Variants in ADGRA1 observed in about 807,000 individuals in gnomAD.
ADGRA1 encodes adhesion G protein-coupled receptor A1.
Under a neutral mutation model 21.3 loss-of-function variants are expected in ADGRA1, and 12 were observed. The observed-to-expected ratio is 0.56, with a 90% confidence interval of 0.36 to 0.91. The LOEUF is 0.91. ADGRA1 is among the 40% of genes least tolerant of loss of function. The pLI is 0.01. For missense variants in ADGRA1, 790 were observed against 805.6 expected, an observed-to-expected ratio of 0.98 and a Z score of 0.23; for synonymous variants, 385 against 368.8, an observed-to-expected ratio of 1.04 and a Z score of -0.50.
At chr10:133,093,505 G>A (rs1034859945) in intron 2 of ADGRA1, among the ~76,000 whole-genome samples, 1 of 152,206 alleles carries the variant, frequency 6.6e-6, no homozygotes, top group Non-Finnish European at 1.5e-5. Context: ...TGTTGGCTCC[G>A]AGGCCGGCAG....
intron 3 of ADGRA1, among the ~76,000 whole-genome samples, chr10:133,098,356 G>A (rs915942965): frequency 1.3e-4 from 20 of 152,144 alleles, no homozygotes; most frequent in African/African-American, 3.6e-4. Context: ...TCAGGGCCTC[G>A]GTGTCTTCAT....
At chr10:133,091,476 C>T (rs779788756) in intron 2 of ADGRA1, among the ~76,000 whole-genome samples, 2 of 152,228 alleles carry the variant, frequency 1.3e-5, no homozygotes, top group Non-Finnish European at 2.9e-5. Flanking sequence ...GGAGCATGAG[C>T]TCATCGTCCC....
intron 5 of ADGRA1, among the ~76,000 whole-genome samples, chr10:133,109,288 TC>T (rs1292496701): frequency 6.6e-6 from 1 of 151,502 alleles, no homozygotes; most frequent in Non-Finnish European, 1.5e-5. Context: ...CAGCCCCCGC[TC>T]CCTGGACCTC....
rs1475281141 is a variant in ADGRA1 at position 133,097,031 on chromosome 10, G to A, written c.61G>A (p.Val21Met). The A allele has an allele frequency of 1.2e-6, 2 of 1,612,580 alleles. No individual in the cohort carries two copies. The highest frequency in any genetic ancestry group is 1.7e-6 in the Non-Finnish European group (2 of 1,179,902). ...CCCAGGGGAGTTCCTGCACCCCGTG[G>A]TGTACGCGTGCACGGCCGTCATGCT... ...RYPGEFLHPV[V>M]YACTAVMLLC... is the part of the protein sequence containing the mutation. The change falls in exon 3 of 7, where the codon GTG (valine) becomes ATG (methionine). Residue 21 changes from valine to methionine, a missense_variant. By Grantham distance (21) the Val-to-Met change is conservative. Around this residue, in one of 3 missense-constraint regions of ADGRA1, gnomAD observed 382 missense variants for 415.6 expected, o/e 0.92. Transcript: ENST00000392607.
In ADGRA1 at chr10:133,129,131, G is replaced by T; in HGVS notation, c.1303G>T (p.Glu435Ter). The change falls in exon 7 of 7, where the codon GAG becomes TAG. Residue 435 changes from glutamate (E) to a stop codon, truncating the protein, a stop_gained. Transcript: ENST00000392607. LOFTEE classifies it low-confidence loss of function (END_TRUNC). Reference sequence around the variant, plus strand: ...TAGCCGGCACCCAGCAGAGGAGCCCGAGTACGCCTACCACATCCCATCCAG... The same window carrying T: ...TAGCCGGCACCCAGCAGAGGAGCCCTAGTACGCCTACCACATCCCATCCAG... ...YFSRHPAEEP[E>*]YAYHIPSSLD... 6.4e-7 allele frequency: 1 copy of T among 1,553,982 alleles called. No homozygotes were observed. Among genetic ancestry groups the T allele is most frequent in the South Asian group, 1.2e-5 (1 of 84,492 alleles).
intron 5 of ADGRA1, among the ~76,000 whole-genome samples, chr10:133,114,960 C>G (rs1441495481): frequency 6.6e-6 from 1 of 152,240 alleles, no homozygotes; most frequent in Non-Finnish European, 1.5e-5. Flanking sequence ...CACCGTCTTT[C>G]CTGTGAAAAA....
At chr10:133,127,482 G>C in intron 6 of ADGRA1, 151 bp downstream of exon 6, 1 of 628,620 alleles carries the variant, frequency 1.6e-6, no homozygotes, top group Non-Finnish European at 2.8e-6. Context: ...GCCCCTCCCA[G>C]CTCGCACCCC....
intron 5 of ADGRA1, among the ~76,000 whole-genome samples, chr10:133,118,311 G>C (rs1852194064): frequency 6.6e-6 from 1 of 152,196 alleles, no homozygotes; most frequent in African/African-American, 2.4e-5. Flanking sequence ...TAATGCTATT[G>C]CACACTTAGT....
chr10:133,100,146 G>A (rs747041815), intron 4 of ADGRA1, among the ~76,000 whole-genome samples: 1 of 152,242 alleles, frequency 6.6e-6, no homozygotes, highest in African/African-American at 2.4e-5. Flanking sequence ...CTTCATGCCA[G>A]ACTGCCAGGA....
intron 5 of ADGRA1, among the ~76,000 whole-genome samples, chr10:133,112,857 C>G (rs904131259): frequency 8.3e-5 from 10 of 120,626 alleles, no homozygotes; most frequent in Non-Finnish European, 1.7e-4. Context: ...TGGAGGTCTG[C>G]GGGCCACGTC....
intron 4 of ADGRA1, among the ~76,000 whole-genome samples, chr10:133,100,609 G>A (rs1475664950): frequency 6.6e-6 from 1 of 152,234 alleles, no homozygotes; most frequent in Non-Finnish European, 1.5e-5. Context: ...AGGAGATCTT[G>A]TTAAGGCAAC....
At chr10:133,099,466 C>G (rs1851753176) in intron 4 of ADGRA1, among the ~76,000 whole-genome samples, 2 of 152,208 alleles carry the variant, frequency 1.3e-5, no homozygotes, top group Admixed American at 1.3e-4. Flanking sequence ...TCCTCCCCCA[C>G]TGCAGGGAGA....
At chr10:133,089,949 C>T (rs548730693) in intron 2 of ADGRA1, among the ~76,000 whole-genome samples, 2 of 152,256 alleles carry the variant, frequency 1.3e-5, no homozygotes, top group East Asian at 3.9e-4. Flanking sequence ...CCCCAGGCTC[C>T]CACCAGCCTC....
At position 133,129,169 on chromosome 10, in the gene ADGRA1, C is replaced by G; in HGVS notation, c.1341C>G (p.Ser447Arg). 6.4e-7 allele frequency: 1 copy of G among 1,552,044 alleles called. No individual in the cohort carries two copies. ...AYHIPSSLDGSPRSSRTDSPP... is the reference protein window; with the variant it reads ...AYHIPSSLDGRPRSSRTDSPP... The stretch of plus-strand genomic sequence containing the variant: ...ACATCCCATCCAGCCTGGATGGCAG[C>G]CCCCGCAGCTCGCGCACAGACAGCC... Residue 447 changes from serine to arginine, a missense_variant, in exon 7 of 7, where the codon AGC becomes AGG. This residue lies in a region of ADGRA1 where 391 missense variants were observed against 351.5 expected (regional missense o/e 1.11). Coordinates refer to ENST00000392607, the MANE Select transcript of ADGRA1 (RefSeq NM_001083909.3).
Position 133,087,961 on chromosome 10 carries a change from C to T in ADGRA1, c.-380C>T. On this transcript the variant is annotated 5_prime_UTR_variant, in exon 1 of 7. Transcript: ENST00000392607. ...GCGCTGCTGGCCGGGCTGGGCCGCT[C>T]GTGCGCGGGGCTGTGACTCACCGGC... is the stretch of plus-strand genomic sequence containing the variant. 1.0e-6 allele frequency: 1 copy of T among 984,962 alleles called. No homozygotes were observed. Among genetic ancestry groups the T allele is most frequent in the Non-Finnish European group, 1.2e-6 (1 of 829,794 alleles). 61.0% of individuals were successfully genotyped at this position (984,962 alleles called of 1,614,324 possible). A position where few individuals can be genotyped will look rare whatever the true frequency, so the allele number is the denominator to read the frequency against.
At chr10:133,098,530 C>A in intron 3 of ADGRA1, 110 bp from the exon 4 acceptor site, 4 of 1,360,458 alleles carry the variant, frequency 2.9e-6, no homozygotes, top group African/African-American at 1.5e-5. Flanking sequence ...CCTGACCCCA[C>A]GGAGAGCCCG....
intron 5 of ADGRA1, among the ~76,000 whole-genome samples, chr10:133,112,644 G>A (rs965585914): frequency 1.4e-4 from 21 of 147,010 alleles, no homozygotes; most frequent in East Asian, 8.0e-4. Context: ...TACGGGCCGC[G>A]TCCGTTATTT....
chr10:133,126,647 C>T (rs1368283802), intron 5 of ADGRA1, among the ~76,000 whole-genome samples: 9 of 152,206 alleles, frequency 5.9e-5, no homozygotes, highest in Admixed American at 5.9e-4. Flanking sequence ...CCAGGCCCTG[C>T]AGAGGGGAAG....
intron 5 of ADGRA1, among the ~76,000 whole-genome samples, chr10:133,109,381 C>T (rs55990960): frequency 0.19 from 28,495 of 151,932 alleles, 3,320 homozygotes; most frequent in East Asian, 0.56. Context: ...CACCTCCACA[C>T]CACCTGGATA....
Sources: gnomAD v4.1 joint callset for allele counts (sites outside exome capture counted in the v4.1 genomes callset) on GRCh38, gnomAD v4.1.1 for gene constraint, gnomAD v4.1.1 regional missense constraint, MANE v1.5 for transcripts, NCBI Gene and HGNC (gene_info 2026-07-23, HGNC 2026-07-21) for gene names.